The following RREB1 variants were observed in gnomAD, a reference collection of about 807,000 sequenced individuals.
The protein encoded by RREB1 is ras responsive element binding protein 1.
In RREB1, 27 loss-of-function variants were observed where a neutral mutation model predicts 117.8. The ratio of observed to expected loss-of-function variants is 0.23; its 90% CI spans 0.17 to 0.32. RREB1 has a LOEUF of 0.32. Among genes scored for constraint, RREB1 ranks in the 10% least tolerant of loss-of-function variants. The probability of loss-of-function intolerance (pLI) is 1.00; values close to 1 mark genes in which losing one functional copy is unlikely to be tolerated. For synonymous variants in RREB1, 1,298 were observed against 1,026.7 expected (o/e 1.26, Z -5.05); for missense variants, 2,577 against 2,378.2 (o/e 1.08, Z -1.74).
chr6:7,225,220 G>A (rs1767516255), intron 8 of RREB1, among the ~76,000 whole-genome samples: 1 of 152,210 alleles, frequency 6.6e-6, no homozygotes, highest in Admixed American at 6.5e-5. Flanking sequence ...GGTGGTGAGG[G>A]TCAGATACGC....
rs1415891221 is a variant in RREB1, at chr6:7,196,218, GTTTTTTTTTTTTGTT to G, written c.425+6909_425+6923del. ...TCGTTGTTTTTTGGTTTTTTTTTTC[GTTTTTTTTTTTTGTT>G]TTTTTTTTTTTTTGCTGAAACACTC... On this transcript the variant is annotated intron_variant, in intron 6 of 12. Coordinates refer to ENST00000379938, the MANE Select transcript of RREB1 (RefSeq NM_001003699.4). 2.1e-4 allele frequency among the ~76,000 whole-genome samples: 26 copies of G among 121,480 alleles called. No individual in the cohort carries two copies. In the East Asian group the frequency reaches 6.2e-3, roughly 29 times the overall value. The allele number at this position is 121,480 out of a possible 152,430, so 79.7% of individuals were successfully genotyped here. A position where few individuals can be genotyped will look rare whatever the true frequency, so the allele number is the denominator to read the frequency against.
chr6:7,249,107 A>C lies in RREB1; in HGVS notation c.*139A>C. On this transcript the variant is annotated 3_prime_UTR_variant, in exon 13 of 13. Coordinates refer to ENST00000379938, the MANE Select transcript of RREB1 (RefSeq NM_001003699.4). ...AGAGAGAGAGAGAGAGAGAGAGACA[A>C]GCAGGAGCGTGGCTGCTCGCTCAGT... 7 of 705,528 alleles carry C rather than the reference A, an allele frequency of 9.9e-6. No homozygotes were observed. Among genetic ancestry groups the C allele is most frequent in the Non-Finnish European group, 1.3e-5 (6 of 446,554 alleles). The allele number at this position is 705,528 out of a possible 1,614,324, so 43.7% of individuals were successfully genotyped here.
intron 1 of RREB1, among the ~76,000 whole-genome samples, chr6:7,163,680 C>T (rs937839739): frequency 2.6e-5 from 4 of 152,178 alleles, no homozygotes; most frequent in African/African-American, 4.8e-5. Context: ...AGGCGTGAGC[C>T]ACCGCGCCTG....
At chr6:7,192,483 G>A (rs1048472166) in intron 6 of RREB1, among the ~76,000 whole-genome samples, 4 of 152,028 alleles carry the variant, frequency 2.6e-5, no homozygotes, top group South Asian at 2.1e-4. Context: ...GAGAGCCACC[G>A]CGCCTCACCC....
chr6:7,137,656 A>G (rs1762398627), intron 1 of RREB1, among the ~76,000 whole-genome samples: 1 of 151,818 alleles, frequency 6.6e-6, no homozygotes, highest in African/African-American at 2.4e-5. Flanking sequence ...TACTGAAAAC[A>G]TTAGTTGGAA....
At chr6:7,136,130 T>G (rs1418514190) in intron 1 of RREB1, among the ~76,000 whole-genome samples, 1 of 152,188 alleles carries the variant, frequency 6.6e-6, no homozygotes, top group Admixed American at 6.5e-5. Flanking sequence ...TCACACAGGT[T>G]TCTGGGGGAA....
intron 8 of RREB1, among the ~76,000 whole-genome samples, chr6:7,223,328 G>A (rs1333113596): frequency 8.0e-5 from 12 of 150,296 alleles, no homozygotes; most frequent in East Asian, 2.0e-4. Flanking sequence ...TTGGGAGGCC[G>A]AGGCGGGCAG....
rs2113106228 is a variant in RREB1, at chr6:7,229,525, A to G, written c.1426A>G (p.Met476Val). The G allele has an allele frequency of 6.2e-7, 1 of 1,614,046 alleles. No individual in the cohort carries two copies. Among genetic ancestry groups the G allele is most frequent in the Non-Finnish European group, 8.5e-7 (1 of 1,179,990 alleles). The change falls in exon 10 of 13, where the codon ATG becomes GTG. Residue 476 changes from methionine (M) to valine (V), a missense_variant. Met to Val is a conservative substitution (Grantham distance 21). Coordinates refer to ENST00000379938, the MANE Select transcript of RREB1 (RefSeq NM_001003699.4). This position sits in a 1 kb window ranked among gnomAD's most constrained non-coding sequence, Gnocchi z 4.5. ...GGCAGACATCCAGCAAATTCTGAAG[A>G]TGGCAGCCTCGGCTCCCCCTCAGAT... ...ELADIQQILKMAASAPPQISL... is the reference protein window; with the variant it reads ...ELADIQQILKVAASAPPQISL...
In RREB1 at chr6:7,231,763, G is replaced by A. The variant is rs1767997891; in HGVS notation, c.3664G>A (p.Glu1222Lys). 6.8e-6 allele frequency: 11 copies of A among 1,613,852 alleles called. No homozygotes were observed. The East Asian group carries it at 1.6e-4, about 23-fold the overall frequency. Residue 1222 changes from glutamate (E) to lysine (K), a missense_variant, in exon 10 of 13, where the codon GAG becomes AAG. By Grantham distance (56) the Glu-to-Lys change is moderately conservative (BLOSUM62 1). Coordinates refer to ENST00000379938, the MANE Select transcript of RREB1 (RefSeq NM_001003699.4). ...CGACCACCATGGGCCCAGTGATGAAGAGCAGGGCAGTCCCCCAGAAGACAA... is the reference window on the plus strand; with the variant it reads ...CGACCACCATGGGCCCAGTGATGAAAAGCAGGGCAGTCCCCCAGAAGACAA... ...PADHHGPSDE[E>K]QGSPPEDKLL...
chr6:7,152,650 A>AGG (rs1435064937), intron 1 of RREB1, among the ~76,000 whole-genome samples: 8 of 152,114 alleles, frequency 5.3e-5, no homozygotes, highest in Non-Finnish European at 1.5e-5. Context: ...CCAGAGAATG[A>AGG]GGCACTGGAG....
intron 1 of RREB1, among the ~76,000 whole-genome samples, chr6:7,149,277 A>G (rs923726374): frequency 1.3e-5 from 2 of 152,214 alleles, no homozygotes; most frequent in Non-Finnish European, 2.9e-5. Flanking sequence ...AAGAATATAT[A>G]AAATGTCATG....
At position 7,248,512 on chromosome 6, in the gene RREB1, G is replaced by A. The variant is rs375341836; in HGVS notation, c.4773G>A (p.Gly1591=). ...DLTRHMRSHT[G]ERPYKCQTCE... ...AAATTCTTTCTTCCATTGTTCCAGG[G>A]GAAAGGCCATACAAATGTCAGACCT... is the stretch of plus-strand genomic sequence containing the variant. The change falls in exon 13 of 13, where the codon GGG becomes GGA. Residue 1591 remains glycine (G), a splice_region_variant and synonymous_variant. Coordinates refer to ENST00000379938, the MANE Select transcript of RREB1 (RefSeq NM_001003699.4). 1.9e-6 allele frequency: 3 copies of A among 1,613,852 alleles called. No homozygotes were observed. The highest frequency in any genetic ancestry group is 2.7e-5 in the African/African-American group (2 of 75,060).
At chr6:7,132,270 G>T (rs1353765608) in intron 1 of RREB1, among the ~76,000 whole-genome samples, 1 of 152,026 alleles carries the variant, frequency 6.6e-6, no homozygotes, top group Non-Finnish European at 1.5e-5. Context: ...GGTCAGGCTG[G>T]ACTCGAACTC....
intron 12 of RREB1, 29 bp from the exon 13 acceptor site, chr6:7,248,482 A>G: frequency 1.2e-6 from 2 of 1,601,418 alleles, no homozygotes; most frequent in Admixed American, 3.3e-5. Flanking sequence ...CCTTTTGGTT[A>G]ATGGAAATTC....
chr6:7,126,818 C>T (rs554788438), intron 1 of RREB1, among the ~76,000 whole-genome samples: 1 of 152,128 alleles, frequency 6.6e-6, no homozygotes, highest in Non-Finnish European at 1.5e-5. Context: ...GACACTTGCC[C>T]TGGGTACCAG....
At chr6:7,113,152 G>A (rs1761230725) in intron 1 of RREB1, among the ~76,000 whole-genome samples, 1 of 148,620 alleles carries the variant, frequency 6.7e-6, no homozygotes, top group Non-Finnish European at 1.5e-5. Context: ...TGGGGACTGG[G>A]TCCTGACTGC....
At chr6:7,120,119 C>G (rs1178968047) in intron 1 of RREB1, among the ~76,000 whole-genome samples, 3 of 142,430 alleles carry the variant, frequency 2.1e-5, no homozygotes, top group Middle Eastern at 3.2e-3. Context: ...CCTTTTTTAG[C>G]TATTTCTTTA....
rs138935786 is a variant in RREB1 at position 7,160,535 on chromosome 6, G to A, written c.-284-16120G>A. Reference sequence around the variant, plus strand: ...ACACATTGACTTTTTTTTGAGACAGGGTCTCAGTTTGTCACCCAGGCTGGA... The same window carrying A: ...ACACATTGACTTTTTTTTGAGACAGAGTCTCAGTTTGTCACCCAGGCTGGA... On this transcript the variant is annotated intron_variant, in intron 1 of 12. Coordinates refer to ENST00000379938, the MANE Select transcript of RREB1 (RefSeq NM_001003699.4). 4.4e-3 allele frequency among the ~76,000 whole-genome samples: 675 copies of A among 151,898 alleles called. 22 individuals are homozygous for A. The highest frequency in any genetic ancestry group is 0.042 in the Admixed American group (639 of 15,260).
In RREB1 at chr6:7,249,816, A is replaced by G. The variant is rs1769333033; in HGVS notation, c.*848A>G. ...TATTATTAATATTATTATTATTATT[A>G]TTATTATTAGTTCATCAGTTTGCTG... On this transcript the variant is annotated 3_prime_UTR_variant, in exon 13 of 13. Coordinates refer to ENST00000379938, the MANE Select transcript of RREB1 (RefSeq NM_001003699.4). 6.6e-6 allele frequency: 1 copy of G among 151,612 alleles called. No homozygotes were observed. Among genetic ancestry groups the G allele is most frequent in the African/African-American group, 2.4e-5 (1 of 41,190 alleles). 9.4% of individuals were successfully genotyped at this position (151,612 alleles called of 1,614,324 possible).
Sources: allele counts gnomAD v4.1 joint callset (sites outside exome capture counted in the v4.1 genomes callset), GRCh38; gene constraint gnomAD v4.1.1; non-coding constraint Gnocchi (gnomAD v3.1); transcripts MANE v1.5; gene names NCBI Gene and HGNC (gene_info 2026-07-23, HGNC 2026-07-21).